Variants in METTL15 observed in about 807,000 individuals in gnomAD.
METTL15 encodes methyltransferase 15, mitochondrial 12S rRNA N4-cytidine.
Under a neutral mutation model 38.3 loss-of-function variants are expected in METTL15, and 34 were observed. That is an observed-to-expected ratio of 0.89 (90% CI 0.68 to 1.18). METTL15 has a LOEUF of 1.18. Among genes scored for constraint, METTL15 ranks in the 50% most tolerant of loss-of-function variants. The probability of loss-of-function intolerance (pLI) is 0.00; values close to 1 mark genes in which losing one functional copy is unlikely to be tolerated. For synonymous variants in METTL15, 162 were observed against 170.9 expected (o/e 0.95, Z 0.41); for missense variants, 438 against 498.4 (o/e 0.88, Z 1.15).
chr11:28,116,769 T>A (rs1851981735), intron 3 of METTL15, among the ~76,000 whole-genome samples: 1 of 152,162 alleles, frequency 6.6e-6, no homozygotes, highest in African/African-American at 2.4e-5. Flanking sequence ...AAAAATTTTT[T>A]TTTAAATTTT....
At chr11:28,187,961 A>G (rs1851560901) in intron 3 of METTL15, among the ~76,000 whole-genome samples, 2 of 151,310 alleles carry the variant, frequency 1.3e-5, no homozygotes, top group South Asian at 2.1e-4. Flanking sequence ...TTGAGAATAT[A>G]TTATTTAAAT....
chr11:28,404,306 A>G (rs1290847145), intron 5 of METTL15, among the ~76,000 whole-genome samples: 1 of 152,098 alleles, frequency 6.6e-6, no homozygotes, highest in Non-Finnish European at 1.5e-5. Flanking sequence ...ATAAATTGTT[A>G]CTACTACTAT....
intron 3 of METTL15, among the ~76,000 whole-genome samples, chr11:28,180,622 C>T (rs912216046): frequency 6.6e-6 from 1 of 151,750 alleles, no homozygotes; most frequent in Non-Finnish European, 1.5e-5. Flanking sequence ...TCTCTTCAAC[C>T]TTTCTTTGTA....
chr11:28,285,656 G>A (rs1434014832), intron 4 of METTL15, among the ~76,000 whole-genome samples: 1 of 152,132 alleles, frequency 6.6e-6, no homozygotes, highest in East Asian at 1.9e-4. Context: ...TCAGTGGCCT[G>A]GTTAATCTTT....
rs377524271 is a variant in METTL15, at chr11:28,143,078, G to A, written c.270+29474G>A. Among the ~76,000 whole-genome samples, 6 of 152,028 alleles carry A rather than the reference G, an allele frequency of 3.9e-5. No individual in the cohort carries two copies. The East Asian group carries it at 9.6e-4, about 24-fold the overall frequency. On this transcript the variant is annotated intron_variant, in intron 3 of 6. Coordinates refer to ENST00000407364, the MANE Select transcript of METTL15 (RefSeq NM_001113528.2). ...GTAAAGGTAGGTGTGTGGCCTTGTC[G>A]TAGGATGAACAAGGACCCTATTTTT...
chr11:28,235,195 T>A (rs1027275190), intron 4 of METTL15, among the ~76,000 whole-genome samples: 11 of 151,910 alleles, frequency 7.2e-5, no homozygotes, highest in Non-Finnish European at 4.4e-5. Context: ...ACCATGCTGT[T>A]TTGGTTACTG....
At chr11:28,416,948 G>A (rs1850777273) in intron 5 of METTL15, among the ~76,000 whole-genome samples, 1 of 152,132 alleles carries the variant, frequency 6.6e-6, no homozygotes, top group Non-Finnish European at 1.5e-5. Context: ...AACATCTTTG[G>A]AAAGAATCAT....
intron 3 of METTL15, among the ~76,000 whole-genome samples, chr11:28,131,247 C>G (rs1849324996): frequency 6.6e-6 from 1 of 152,164 alleles, no homozygotes; most frequent in Admixed American, 6.6e-5. Context: ...CACCTGGCAA[C>G]AGAGTTTCAA....
In METTL15 at chr11:28,351,042, T is replaced by G. The variant is rs368312808; in HGVS notation, c.*190-1048T>G. Among the ~76,000 whole-genome samples the G allele has an allele frequency of 9.2e-5, 14 of 152,260 alleles. No homozygotes were observed. The East Asian group carries it at 2.5e-3, about 27-fold the overall frequency. ...AATTTCTCCCTAGAGAGTAGGGCAA[T>G]AGCAGCAGGGTCTACTCTACTTGTA... On this transcript the variant is annotated intron_variant and NMD_transcript_variant, in intron 3 of 7. Coordinates refer to the METTL15 transcript ENST00000532947.
chr11:28,339,752 C>T (rs1849933683), intron 3 of METTL15, among the ~76,000 whole-genome samples: 1 of 151,914 alleles, frequency 6.6e-6, no homozygotes, highest in Non-Finnish European at 1.5e-5. Flanking sequence ...CATAGTAAAA[C>T]CTGCTGCAAA....
At chr11:28,245,913 A>G (rs150058360) in intron 4 of METTL15, among the ~76,000 whole-genome samples, 8 of 152,168 alleles carry the variant, frequency 5.3e-5, no homozygotes, top group African/African-American at 1.7e-4. Flanking sequence ...CCCTGATCCA[A>G]TCACCTCCCA....
chr11:28,403,802 A>G (rs1850650960), intron 5 of METTL15, among the ~76,000 whole-genome samples: 2 of 152,134 alleles, frequency 1.3e-5, no homozygotes, highest in South Asian at 2.1e-4. Context: ...TTTTTATAAC[A>G]TATCATTAGG....
intron 4 of METTL15, among the ~76,000 whole-genome samples, chr11:28,254,094 A>G (rs1854867491): frequency 6.6e-6 from 1 of 152,148 alleles, no homozygotes; most frequent in Non-Finnish European, 1.5e-5. Flanking sequence ...TTACATTCCC[A>G]CCAACAGTGT....
intron 6 of METTL15, among the ~76,000 whole-genome samples, chr11:28,430,438 C>T (rs1451931252): frequency 3.3e-5 from 2 of 60,328 alleles, no homozygotes; most frequent in Admixed American, 2.6e-4. Context: ...TCTGCCCGGC[C>T]GCCCCTACTG....
chr11:28,122,212 T>C, intron 3 of METTL15: 5 of 1,224,190 alleles, frequency 4.1e-6, no homozygotes, highest in South Asian at 1.4e-5. Flanking sequence ...AATGAGAATG[T>C]TTATGGATTA....
chr11:28,293,681 C>T (rs1276815768), intron 5 of METTL15, among the ~76,000 whole-genome samples: 2 of 151,738 alleles, frequency 1.3e-5, no homozygotes, highest in African/African-American at 2.4e-5. Context: ...ATTCTTCCTA[C>T]CCATGAGCAT....
intron 3 of METTL15, among the ~76,000 whole-genome samples, chr11:28,200,681 G>A (rs1852078521): frequency 6.6e-6 from 1 of 152,034 alleles, no homozygotes; most frequent in Non-Finnish European, 1.5e-5. Context: ...ACTGTGAATG[G>A]GAGTTCATTC....
At chr11:28,123,872 A>G in intron 3 of METTL15, 1 of 1,480,410 alleles carries the variant, frequency 6.8e-7, no homozygotes, top group Non-Finnish European at 9.1e-7. Context: ...CAAAAGAAGT[A>G]AACTGTGGAT....
intron 5 of METTL15, among the ~76,000 whole-genome samples, chr11:28,294,429 G>A (rs909682800): frequency 1.3e-5 from 2 of 152,104 alleles, no homozygotes; most frequent in Non-Finnish European, 2.9e-5. Flanking sequence ...TTAACCAGTC[G>A]CCATTTAACA....
Sources: gnomAD v4.1 joint callset for allele counts (sites outside exome capture counted in the v4.1 genomes callset) on GRCh38, gnomAD v4.1.1 for gene constraint, MANE v1.5 for transcripts, NCBI Gene and HGNC (gene_info 2026-07-23, HGNC 2026-07-21) for gene names.